WDR43: variants seen among roughly 807,000 people sequenced by gnomAD.
WDR43 encodes WD repeat domain 43, also known as WD repeat-containing protein 43.
Under a neutral mutation model 91.4 loss-of-function variants are expected in WDR43, and 13 were observed. That is an observed-to-expected ratio of 0.14 (90% CI 0.09 to 0.23). The LOEUF is 0.23. Among genes scored for constraint, WDR43 ranks in the 10% least tolerant of loss-of-function variants. The pLI is 1.00. For missense variants in WDR43, 780 were observed against 809.4 expected (o/e 0.96, Z 0.44); for synonymous variants, 331 against 287.9 (o/e 1.15, Z -1.51).
rs1439085789 is a variant in WDR43, at chr2:28,926,572, T to G, written c.1173+18T>G. ...TAACAAAGGTGAGCACATTACAAAT[T>G]TGAAGTTTTAAGAAAAAGAATATTT... On this transcript the variant is annotated intron_variant, in intron 9 of 17. Coordinates refer to ENST00000407426, the MANE Select transcript of WDR43 (RefSeq NM_015131.3). 1 of 1,559,944 alleles carries G rather than the reference T, an allele frequency of 6.4e-7. No individual in the cohort carries two copies. The highest frequency in any genetic ancestry group is 1.4e-5 in the African/African-American group (1 of 73,504).
intron 9 of WDR43, 151 bp from the exon 10 acceptor site, chr2:28,927,418 T>G: frequency 1.0e-6 from 1 of 981,124 alleles, no homozygotes; most frequent in Middle Eastern, 3.3e-4. Context: ...TTGTCAACAT[T>G]CAATTTAAAA....
Position 28,902,131 on chromosome 2 carries a change from G to T in WDR43, c.363+7G>T. 1.3e-6 allele frequency: 2 copies of T among 1,545,080 alleles called. No homozygotes were observed. Among genetic ancestry groups the T allele is most frequent in the Non-Finnish European group, 1.7e-6 (2 of 1,147,560 alleles). On this transcript the variant is annotated splice_region_variant and intron_variant, in intron 2 of 17. Coordinates refer to ENST00000407426, the MANE Select transcript of WDR43 (RefSeq NM_015131.3). ...GTTACACAGTAAATTAATAGTAAGT[G>T]TGTGTATATTTTATTTAAAAGTGAT...
rs1225070847 is a variant in WDR43 at position 28,894,754 on chromosome 2, G to C, written c.56G>C (p.Cys19Ser). 1.3e-6 allele frequency: 2 copies of C among 1,599,068 alleles called. No individual in the cohort carries two copies. Among genetic ancestry groups the C allele is most frequent in the Admixed American group, 3.5e-5 (2 of 57,556 alleles). The change falls in exon 1 of 18, where the codon TGC (cysteine) becomes TCC (serine). Residue 19 changes from cysteine (C) to serine (S), a missense_variant. By Grantham distance (112) the Cys-to-Ser change is moderately radical. Transcript: ENST00000407426. ...CCCCTGGCCCCTGCTGGGGTCCCTTGCGCCTTCTCCCCGCACAGCCAGGCC... is the reference window on the plus strand; with the variant it reads ...CCCCTGGCCCCTGCTGGGGTCCCTTCCGCCTTCTCCCCGCACAGCCAGGCC... ...CDPLAPAGVP[C>S]AFSPHSQAYF...
intron 14 of WDR43, among the ~76,000 whole-genome samples, chr2:28,939,723 GTGTC>G (rs1169062205): frequency 6.6e-6 from 1 of 152,172 alleles, no homozygotes; most frequent in Non-Finnish European, 1.5e-5. Flanking sequence ...ACTAATTTTT[GTGTC>G]TGTCTGCTGT....
chr2:28,946,208 C>T (rs1671539795), intron 16 of WDR43, among the ~76,000 whole-genome samples: 1 of 151,672 alleles, frequency 6.6e-6, no homozygotes, highest in South Asian at 2.1e-4. Flanking sequence ...ACTCAGGAGG[C>T]TGAGGCAGGA....
chr2:28,916,424 A>G (rs1670911849), intron 5 of WDR43, among the ~76,000 whole-genome samples: 1 of 152,178 alleles, frequency 6.6e-6, no homozygotes, highest in Admixed American at 6.5e-5. Context: ...CACTTGGTAT[A>G]GCATTTAATT....
In WDR43 at chr2:28,935,541, T is replaced by A; in HGVS notation, c.1458T>A (p.Asn486Lys). Residue 486 changes from asparagine (N) to lysine (K), a missense_variant, in exon 12 of 18, where the codon AAT (asparagine) becomes AAA (lysine). Around this residue, in one of 4 missense-constraint regions of WDR43, gnomAD observed 426 missense variants for 467.8 expected, o/e 0.91. Coordinates refer to ENST00000407426, the MANE Select transcript of WDR43 (RefSeq NM_015131.3). ...EMLNKVLQTR[N>K]VNLIKKTVLR... ...CACAGAAAGTACTTCAAACTAGGAA[T>A]GTAAACCTTATAAAGAAGACTGTAT... 1 of 1,598,414 alleles carries A rather than the reference T, an allele frequency of 6.3e-7. No homozygotes were observed. Among genetic ancestry groups the A allele is most frequent in the East Asian group, 2.3e-5 (1 of 44,254 alleles).
intron 10 of WDR43, 86 bp from the exon 11 acceptor site, chr2:28,929,488 CTATTT>C (rs971262608): frequency 4.5e-5 from 52 of 1,148,038 alleles, no homozygotes; most frequent in Admixed American, 2.6e-4. Context: ...AGGTGTAAAT[CTATTT>C]TATTTTATTT....
At chr2:28,940,106 C>T (rs1286362920) in intron 14 of WDR43, among the ~76,000 whole-genome samples, 5 of 68,310 alleles carry the variant, frequency 7.3e-5, no homozygotes, top group South Asian at 1.2e-3. Flanking sequence ...AGCGAGACTC[C>T]GTCTCAAAAA....
Position 28,941,567 on chromosome 2 carries a change from T to C in WDR43, c.1727T>C (p.Ile576Thr). 6.2e-7 allele frequency: 1 copy of C among 1,608,254 alleles called. No homozygotes were observed. The highest frequency in any genetic ancestry group is 8.5e-7 in the Non-Finnish European group (1 of 1,176,352). ...CTTCATGGAAAGCTTATTCTTCTAA[T>C]TACACAAGTGAGTAAATCATATTGT... ...SHLHGKLILL[I>T]TQVTASEKTK... The change falls in exon 15 of 18, where the codon ATT becomes ACT. Residue 576 changes from isoleucine (I) to threonine (T), a missense_variant. Ile to Thr is a moderately conservative substitution (Grantham distance 89, BLOSUM62 -1). Coordinates refer to ENST00000407426, the MANE Select transcript of WDR43 (RefSeq NM_015131.3).
At chr2:28,927,011 G>T (rs776032641) in intron 9 of WDR43, 11 of 510,726 alleles carry the variant, frequency 2.2e-5, no homozygotes, top group Admixed American at 1.4e-4. Flanking sequence ...ATATAACTTG[G>T]TGTCTACATG....
intron 3 of WDR43, among the ~76,000 whole-genome samples, chr2:28,907,721 T>C (rs112413063): frequency 0.067 from 10,137 of 151,984 alleles, 561 homozygotes; most frequent in East Asian, 0.21. Flanking sequence ...CTGGCTAACA[T>C]GGGGTACCAT....
intron 16 of WDR43, among the ~76,000 whole-genome samples, chr2:28,943,866 C>T (rs1462849182): frequency 6.6e-6 from 1 of 152,154 alleles, no homozygotes; most frequent in Admixed American, 6.6e-5. Flanking sequence ...GAAATGGGAG[C>T]TCATGCTGTG....
intron 14 of WDR43, among the ~76,000 whole-genome samples, chr2:28,939,566 C>T (rs1671396533): frequency 6.6e-6 from 1 of 152,112 alleles, no homozygotes; most frequent in South Asian, 2.1e-4. Flanking sequence ...TTTTTAAGTG[C>T]CTTCTGTAAG....
At chr2:28,931,543 T>C (rs920346067) in intron 11 of WDR43, among the ~76,000 whole-genome samples, 1 of 152,254 alleles carries the variant, frequency 6.6e-6, no homozygotes, top group Non-Finnish European at 1.5e-5. Flanking sequence ...GTGGTATCAT[T>C]TAACACATTG....
At chr2:28,900,555 C>T (rs1670560227) in intron 1 of WDR43, among the ~76,000 whole-genome samples, 1 of 152,176 alleles carries the variant, frequency 6.6e-6, no homozygotes, top group Admixed American at 6.5e-5. Flanking sequence ...TCCCCCAACT[C>T]TCCTTGCCTG....
At position 28,894,866 on chromosome 2, in the gene WDR43, G is replaced by A. The variant is rs776846386; in HGVS notation, c.168G>A (p.Ala56=). The change falls in exon 1 of 18, where the codon GCG becomes GCA. Residue 56 remains alanine (A), a synonymous_variant. Transcript: ENST00000407426. Reference sequence around the variant, plus strand: ...TGCACCAGGAGTACGTGCCTTCCGCGCACCTCAGTGGTACCTGCACCTGTC... The same window carrying A: ...TGCACCAGGAGTACGTGCCTTCCGCACACCTCAGTGGTACCTGCACCTGTC... ...NRLHQEYVPS[A]HLSGTCTCLA... is the part of the protein sequence containing the mutation. 2 of 1,609,558 alleles carry A rather than the reference G, an allele frequency of 1.2e-6. No homozygotes were observed. Among genetic ancestry groups the A allele is most frequent in the Non-Finnish European group, 1.7e-6 (2 of 1,178,196 alleles).
At position 28,936,803 on chromosome 2, in the gene WDR43, G is replaced by T; in HGVS notation, c.1525-119G>T. The T allele has an allele frequency of 5.3e-6, 5 of 946,540 alleles. No individual in the cohort carries two copies. In the South Asian group the frequency reaches 7.3e-5, roughly 14 times the overall value. The allele number at this position is 946,540 out of a possible 1,614,324, so 58.6% of individuals were successfully genotyped here. A position where few individuals can be genotyped will look rare whatever the true frequency, so the allele number is the denominator to read the frequency against. On this transcript the variant is annotated intron_variant, in intron 12 of 17. Coordinates refer to ENST00000407426, the MANE Select transcript of WDR43 (RefSeq NM_015131.3). The stretch of plus-strand genomic sequence containing the variant: ...ATGTATTCATAGACTGTATTATGCG[G>T]TTTAAAATAGACTACTTATTAGAAT...
chr2:28,912,059 A>C (rs1260909656), intron 3 of WDR43, among the ~76,000 whole-genome samples: 3 of 152,160 alleles, frequency 2.0e-5, no homozygotes, highest in South Asian at 4.1e-4. Context: ...GTACCTAATT[A>C]ATTTTTACCT....
Sources: gnomAD v4.1 joint callset for allele counts (sites outside exome capture counted in the v4.1 genomes callset) on GRCh38, gnomAD v4.1.1 for gene constraint, gnomAD v4.1.1 regional missense constraint, MANE v1.5 for transcripts, NCBI Gene and HGNC (gene_info 2026-07-23, HGNC 2026-07-21) for gene names.